Variants in CFAP46 observed in about 807,000 individuals in gnomAD.
CFAP46 encodes the protein cilia- and flagella-associated protein 46.
CFAP46 carries 245 observed loss-of-function variants against 325.7 expected under a neutral mutation model. That is an observed-to-expected ratio of 0.75 (90% CI 0.68 to 0.84). The LOEUF (loss-of-function observed/expected upper bound fraction) is 0.84. Ranked by LOEUF, CFAP46 falls within the 40% of genes least tolerant of loss-of-function variation. The pLI is 0.00. For synonymous variants in CFAP46, 1,523 were observed against 1,495.9 expected (o/e 1.02, Z -0.42); for missense variants, 3,346 against 3,543.0 (o/e 0.94, Z 1.41).
rs1356664683 is a variant in CFAP46, at chr10:132,834,708, G to C, written c.6812C>G (p.Pro2271Arg). The C allele has an allele frequency of 3.1e-6, 5 of 1,613,104 alleles. No homozygotes were observed. Among genetic ancestry groups the C allele is most frequent in the Non-Finnish European group, 4.2e-6 (5 of 1,179,944 alleles). ...PVQRLSSVLG[P>R]LEELLQPLFP... ...TAGCGGCTGCAGAAGCTCCTCCAGGGGCCCCAGGACGCTACTGAGCCTCTG... is the reference window on the plus strand; with the variant it reads ...TAGCGGCTGCAGAAGCTCCTCCAGGCGCCCCAGGACGCTACTGAGCCTCTG... The change falls in exon 48 of 58, where the codon CCC becomes CGC. Residue 2271 changes from proline to arginine, a missense_variant. Pro to Arg is a moderately radical substitution (Grantham distance 103, BLOSUM62 -2). Transcript: ENST00000368586.
At chr10:132,885,776 C>G in intron 26 of CFAP46, 45 bp downstream of exon 26, 2 of 1,345,810 alleles carry the variant, frequency 1.5e-6, no homozygotes, top group East Asian at 2.6e-5. Context: ...GGGGAGCACT[C>G]AGGCGGTGGA....
chr10:132,837,953 G>GTGTGCACGGACACAGACACGCACA lies in CFAP46; in HGVS notation c.6439-1040_6439-1039insTGTGCGTGTCTGTGTCCGTGCACA, dbSNP rs765010452. ...GACATGCACGGACACAGACACGCAC[G>GTGTGCACGGACACAGACACGCACA]TGTACACAGACGCACACACTCACGC... On this transcript the variant is annotated intron_variant, in intron 44 of 57. Coordinates refer to ENST00000368586, the MANE Select transcript of CFAP46 (RefSeq NM_001200049.3). Among the ~76,000 whole-genome samples, 21 of 151,724 alleles carry GTGTGCACGGACACAGACACGCACA rather than the reference G, an allele frequency of 1.4e-4. No individual in the cohort carries two copies. In the South Asian group the frequency reaches 2.5e-3, roughly 18 times the overall value.
intron 37 of CFAP46, among the ~76,000 whole-genome samples, chr10:132,860,061 GC>G (rs1848700895): frequency 6.6e-6 from 1 of 152,196 alleles, no homozygotes; most frequent in Admixed American, 6.5e-5. Flanking sequence ...AGGGAGGCGT[GC>G]CTGCCGCAAG....
intron 50 of CFAP46, among the ~76,000 whole-genome samples, chr10:132,816,770 A>G: frequency 6.6e-6 from 1 of 152,140 alleles, no homozygotes; most frequent in Non-Finnish European, 1.5e-5. Context: ...TTCCATGATC[A>G]TTTCATGTCT....
Position 132,941,995 on chromosome 10 carries a change from T to G in CFAP46, c.159A>C (p.Ala53=), listed in dbSNP as rs1162984584. The G allele has an allele frequency of 4.5e-6, 7 of 1,551,902 alleles. No individual in the cohort carries two copies. Among genetic ancestry groups the G allele is most frequent in the South Asian group, 1.2e-5 (1 of 84,062 alleles). Reference sequence around the variant, plus strand: ...AACTAGTTACCTTCAGGGCCTGCTCTGCACACAGAACAAACAGGTCTGGGC... The same window carrying G: ...AACTAGTTACCTTCAGGGCCTGCTCGGCACACAGAACAAACAGGTCTGGGC... ...SFSPDLFVLC[A]EQALKMRQPE... Residue 53 remains alanine, a synonymous_variant, in exon 2 of 58, where the codon GCA becomes GCC. Coordinates refer to ENST00000368586, the MANE Select transcript of CFAP46 (RefSeq NM_001200049.3).
chr10:132,815,001 C>G, intron 50 of CFAP46, 87 bp from the exon 51 acceptor site: 1 of 1,130,820 alleles, frequency 8.8e-7, no homozygotes, highest in Middle Eastern at 2.1e-4. Flanking sequence ...TCATGTTATG[C>G]AAATTTCACT....
At chr10:132,898,541 G>A (rs999819132) in intron 24 of CFAP46, 29 of 315,534 alleles carry the variant, frequency 9.2e-5, no homozygotes, top group African/African-American at 5.0e-4. Flanking sequence ...GCCTTAAGCC[G>A]CCAGAGGCAC....
Position 132,870,140 on chromosome 10 carries a change from T to C in CFAP46, c.4512-768A>G, listed in dbSNP as rs375764332. Among the ~76,000 whole-genome samples, 402 of 152,314 alleles carry C rather than the reference T, an allele frequency of 2.6e-3. 2 individuals carry two copies. The highest frequency in any genetic ancestry group is 9.1e-3 in the African/African-American group (378 of 41,568). ...TGTTCAGTGATCTTTGCGGTTACCA[T>C]TGTAATTGTTTTGGGGCACCATCAG... is the stretch of plus-strand genomic sequence containing the variant. On this transcript the variant is annotated intron_variant, in intron 32 of 57. Transcript: ENST00000368586.
chr10:132,886,414 C>A lies in CFAP46; in HGVS notation c.3305-455G>T, dbSNP rs1022892057. 6.6e-6 allele frequency among the ~76,000 whole-genome samples: 1 copy of A among 152,228 alleles called. No homozygotes were observed. The highest frequency in any genetic ancestry group is 2.4e-5 in the African/African-American group (1 of 41,458). On this transcript the variant is annotated intron_variant, in intron 25 of 57. Coordinates refer to ENST00000368586, the MANE Select transcript of CFAP46 (RefSeq NM_001200049.3). This position sits in a 1 kb window ranked among gnomAD's most constrained non-coding sequence, Gnocchi z 5.8. ...CACGGGAACAATCCCCGAGTCTCCA[C>A]GCAGGCAGCGGAGCCATGTGACACG...
At position 132,941,970 on chromosome 10, in the gene CFAP46, A is replaced by T. The variant is rs1254353522; in HGVS notation, c.174+10T>A. The T allele has an allele frequency of 5.8e-6, 9 of 1,551,386 alleles. No homozygotes were observed. Among genetic ancestry groups the T allele is most frequent in the Non-Finnish European group, 7.8e-6 (9 of 1,146,932 alleles). On this transcript the variant is annotated intron_variant, in intron 2 of 57. Coordinates refer to ENST00000368586, the MANE Select transcript of CFAP46 (RefSeq NM_001200049.3). ...AGCTGCCCTGACCGAGGATCCCGGG[A>T]ACTAGTTACCTTCAGGGCCTGCTCT... is the stretch of plus-strand genomic sequence containing the variant.
At chr10:132,883,581 A>G (rs778821659) in intron 27 of CFAP46, among the ~76,000 whole-genome samples, 4 of 152,230 alleles carry the variant, frequency 2.6e-5, no homozygotes, top group Non-Finnish European at 5.9e-5. Flanking sequence ...GGCCCCACAC[A>G]GGGCGACCGT....
Position 132,866,117 on chromosome 10 carries a change from G to T in CFAP46, c.4798C>A (p.His1600Asn), listed in dbSNP as rs1171618622. 1.9e-6 allele frequency: 3 copies of T among 1,545,228 alleles called. No individual in the cohort carries two copies. Among genetic ancestry groups the T allele is most frequent in the Non-Finnish European group, 2.6e-6 (3 of 1,144,372 alleles). ...GRDLDGTSFP[H>N]LWMLKAEVLL... is the part of the protein sequence containing the mutation. ...ACTTCTGCCTTCAGCATCCACAGGTGGGGAAAGGACGTCCCATCCAGGTCC... is the reference window on the plus strand; with the variant it reads ...ACTTCTGCCTTCAGCATCCACAGGTTGGGAAAGGACGTCCCATCCAGGTCC... Residue 1600 changes from histidine to asparagine, a missense_variant, in exon 35 of 58, where the codon CAC becomes AAC. Transcript: ENST00000368586.
chr10:132,835,293 GA>G lies in CFAP46; in HGVS notation c.6744+10del. On this transcript the variant is annotated intron_variant, in intron 47 of 57. Transcript: ENST00000368586. ...TCCCGGCTGGGTGGCTTGGAGCCTGGAGGGCCTCACCGAGCCTATGTTCAGG... is the reference window on the plus strand; with the variant it reads ...TCCCGGCTGGGTGGCTTGGAGCCTGGGGGCCTCACCGAGCCTATGTTCAGG... 6.2e-7 allele frequency: 1 copy of G among 1,611,760 alleles called. No individual in the cohort carries two copies. Among genetic ancestry groups the G allele is most frequent in the South Asian group, 1.1e-5 (1 of 91,022 alleles).
rs1400728540 is a variant in CFAP46 at position 132,867,366 on chromosome 10, T to C, written c.4743+9A>G. 1.3e-6 allele frequency: 2 copies of C among 1,547,260 alleles called. No homozygotes were observed. The highest frequency in any genetic ancestry group is 2.4e-5 in the East Asian group (1 of 40,902). ...TGCGGGTCAGAGGGATTCTGGACGG[T>C]GAGGTTACCTTGTCCTTGGCGTCCA... On this transcript the variant is annotated intron_variant, in intron 34 of 57. Transcript: ENST00000368586.
At position 132,939,407 on chromosome 10, in the gene CFAP46, G is replaced by A. The variant is rs945776769; in HGVS notation, c.372-654C>T. 6.6e-6 allele frequency among the ~76,000 whole-genome samples: 1 copy of A among 152,208 alleles called. No homozygotes were observed. The highest frequency in any genetic ancestry group is 1.9e-4 in the East Asian group (1 of 5,168). On this transcript the variant is annotated intron_variant, in intron 4 of 57. Coordinates refer to ENST00000368586, the MANE Select transcript of CFAP46 (RefSeq NM_001200049.3). The surrounding 1 kb of genome is among the most constrained non-coding windows in gnomAD (Gnocchi z 4.6). ...GGCAGCAGGGAGCATTGCAGGGACTGAAGTAAGGGAATCCGGGCCCATCTG... is the reference window on the plus strand; with the variant it reads ...GGCAGCAGGGAGCATTGCAGGGACTAAAGTAAGGGAATCCGGGCCCATCTG...
In CFAP46 at chr10:132,910,040, T is replaced by C; in HGVS notation, c.2528A>G (p.Asn843Ser). The C allele has an allele frequency of 2.0e-6, 3 of 1,525,176 alleles. No individual in the cohort carries two copies. The highest frequency in any genetic ancestry group is 1.7e-4 in the Middle Eastern group (1 of 5,870). The allele number at this position is 1,525,176 out of a possible 1,614,324, so 94.5% of individuals were successfully genotyped here. Residue 843 changes from asparagine (N) to serine (S), a missense_variant, in exon 20 of 58, where the codon AAT (asparagine) becomes AGT (serine). By Grantham distance (46) the Asn-to-Ser change is conservative. Coordinates refer to ENST00000368586, the MANE Select transcript of CFAP46 (RefSeq NM_001200049.3). Reference protein sequence around the residue: ...EVCEFALNLTNGSAPEETVPT... With the variant: ...EVCEFALNLTSGSAPEETVPT... Reference sequence around the variant, plus strand: ...CACCGTCTCCTCGGGCGCACTCCCATTGGTCAGGTTCAGGGCAAACTCGCA... The same window carrying C: ...CACCGTCTCCTCGGGCGCACTCCCACTGGTCAGGTTCAGGGCAAACTCGCA...
chr10:132,841,238 C>T (rs373926658), intron 44 of CFAP46, among the ~76,000 whole-genome samples: 15 of 152,338 alleles, frequency 9.8e-5, no homozygotes, highest in East Asian at 9.6e-4. Context: ...TCTCTACTTC[C>T]GACATACAGC....
At chr10:132,846,751 G>T (rs1008321807) in intron 43 of CFAP46, among the ~76,000 whole-genome samples, 181 bp downstream of exon 43, 1 of 152,220 alleles carries the variant, frequency 6.6e-6, no homozygotes, top group Non-Finnish European at 1.5e-5. Flanking sequence ...ATAAGCACAC[G>T]AATGCATGTT....
At chr10:132,907,057 C>A (rs188133856) in intron 22 of CFAP46, among the ~76,000 whole-genome samples, 2 of 152,274 alleles carry the variant, frequency 1.3e-5, no homozygotes, top group African/African-American at 4.8e-5. Context: ...CGCATCCCCA[C>A]GGGTGTGGCC....
Sources: gnomAD v4.1 joint callset for allele counts (sites outside exome capture counted in the v4.1 genomes callset) on GRCh38, gnomAD v4.1.1 for gene constraint, Gnocchi (gnomAD v3.1) non-coding constraint, MANE v1.5 for transcripts, NCBI Gene and HGNC (gene_info 2026-07-23, HGNC 2026-07-21) for gene names.